The following MAML2 variants were observed in gnomAD, a reference collection of about 807,000 sequenced individuals.
MAML2 encodes mastermind-like protein 2.
A neutral mutation model predicts 96.1 loss-of-function variants in MAML2; 22 were observed. That is an observed-to-expected ratio of 0.23 (90% confidence interval 0.16 to 0.33). The LOEUF is 0.33. Among genes scored for constraint, MAML2 ranks in the 10% least tolerant of loss-of-function variants. MAML2 has a pLI of 1.00. For synonymous variants in MAML2, 561 were observed against 521.3 expected (o/e 1.08, Z -1.04); for missense variants, 1,367 against 1,392.4 (o/e 0.98, Z 0.29).
At chr11:96,126,712 C>T (rs1860444980) in intron 1 of MAML2, among the ~76,000 whole-genome samples, 1 of 152,152 alleles carries the variant, frequency 6.6e-6, no homozygotes, top group Non-Finnish European at 1.5e-5. Context: ...TTTGAAAGCA[C>T]AGAGGAGGAC....
chr11:96,161,005 G>T (rs1191578325), intron 1 of MAML2, among the ~76,000 whole-genome samples: 1 of 152,196 alleles, frequency 6.6e-6, no homozygotes, highest in African/African-American at 2.4e-5. Flanking sequence ...AACTGGAGAG[G>T]CACTGCACCT....
Position 96,064,018 on chromosome 11 carries a change from C to T in MAML2, c.2139+27874G>A, listed in dbSNP as rs569815745. On this transcript the variant is annotated intron_variant, in intron 2 of 4. Coordinates refer to ENST00000524717, the MANE Select transcript of MAML2 (RefSeq NM_032427.4). ...CAGGACATCTTTTACCTAAGATTTCCAAGCCTCCTGATTGGCTGGCTGTAG... is the reference window on the plus strand; with the variant it reads ...CAGGACATCTTTTACCTAAGATTTCTAAGCCTCCTGATTGGCTGGCTGTAG... 1.5e-4 allele frequency among the ~76,000 whole-genome samples: 23 copies of T among 152,276 alleles called. No individual in the cohort carries two copies. The South Asian group carries it at 4.8e-3, about 32-fold the overall frequency.
At chr11:96,319,579 A>G (rs1863675800) in intron 1 of MAML2, among the ~76,000 whole-genome samples, 1 of 152,194 alleles carries the variant, frequency 6.6e-6, no homozygotes, top group Admixed American at 6.5e-5. Context: ...TTGAAACACA[A>G]GATATATTTT....
rs537072178 is a variant in MAML2 at position 96,341,751 on chromosome 11, G to T, written c.145C>A (p.Gln49Lys). 3.1e-5 allele frequency: 50 copies of T among 1,613,074 alleles called. No individual in the cohort carries two copies. In the East Asian group the frequency reaches 1.0e-3, roughly 34 times the overall value. The change falls in exon 1 of 5, where the codon CAA becomes AAA. Residue 49 changes from glutamine to lysine, a missense_variant. Coordinates refer to ENST00000524717, the MANE Select transcript of MAML2 (RefSeq NM_032427.4). ...RLRARIAVCR[Q>K]HHLSCEGRYE... The stretch of plus-strand genomic sequence containing the variant: ...CGTCCTTCACAGCTCAGGTGGTGTT[G>T]GCGGCAGACAGCGATCCGAGCCCGG...
chr11:96,007,011 T>A (rs75309687), intron 2 of MAML2, among the ~76,000 whole-genome samples: 8,947 of 151,420 alleles, frequency 0.059, 375 homozygotes, highest in Middle Eastern at 0.089. Flanking sequence ...TCTTTTTTTT[T>A]ATTATTTTTT....
intron 2 of MAML2, among the ~76,000 whole-genome samples, chr11:96,046,352 G>GT (rs934962151): frequency 5.8e-4 from 87 of 149,162 alleles, no homozygotes; most frequent in African/African-American, 1.0e-3. Flanking sequence ...TTTGTTGTTG[G>GT]TTTTTTTTTT....
At chr11:96,193,674 C>CA (rs201176260) in intron 1 of MAML2, among the ~76,000 whole-genome samples, 1,771 of 150,514 alleles carry the variant, frequency 0.012, 31 homozygotes, top group African/African-American at 0.041. Flanking sequence ...TCCCGTGTAA[C>CA]AAAAAAAAAG....
At chr11:96,212,721 T>C (rs1309020694) in intron 1 of MAML2, among the ~76,000 whole-genome samples, 1 of 152,166 alleles carries the variant, frequency 6.6e-6, no homozygotes, top group Non-Finnish European at 1.5e-5. Context: ...ACAAGACGTT[T>C]AGATAACTCA....
intron 2 of MAML2, among the ~76,000 whole-genome samples, chr11:96,037,434 A>T (rs1052992951): frequency 3.9e-5 from 6 of 152,228 alleles, no homozygotes; most frequent in Non-Finnish European, 8.8e-5. Flanking sequence ...CACGGTTGTA[A>T]GACAGTTTCA....
At chr11:96,045,882 C>G (rs1253467394) in intron 2 of MAML2, among the ~76,000 whole-genome samples, 2 of 148,920 alleles carry the variant, frequency 1.3e-5, no homozygotes, top group African/African-American at 5.0e-5. Context: ...CTTTATTTTT[C>G]TCCCAGTCAG....
rs1864004370 is a variant in MAML2 at position 96,342,061 on chromosome 11, G to A, written c.-166C>T. On this transcript the variant is annotated 5_prime_UTR_variant, in exon 1 of 5. Transcript: ENST00000524717. ...GGAGCCGTGGAGAAGTTGTGGGGGA[G>A]GGGAGTTAGTAAAAAGAGGGTGGGG... The A allele has an allele frequency of 3.2e-6, 2 of 628,124 alleles. No homozygotes were observed. Among genetic ancestry groups the A allele is most frequent in the South Asian group, 4.6e-5 (2 of 43,744 alleles). 38.9% of individuals were successfully genotyped at this position (628,124 alleles called of 1,614,324 possible). A position where few individuals can be genotyped will look rare whatever the true frequency, so the allele number is the denominator to read the frequency against.
chr11:96,120,299 G>A (rs529714501), intron 1 of MAML2, among the ~76,000 whole-genome samples: 2 of 152,300 alleles, frequency 1.3e-5, no homozygotes, highest in South Asian at 4.1e-4. Flanking sequence ...CAACAGCTGA[G>A]TAGAGGCAGA....
intron 1 of MAML2, among the ~76,000 whole-genome samples, chr11:96,214,441 T>C (rs1034823560): frequency 4.6e-5 from 7 of 152,220 alleles, no homozygotes; most frequent in African/African-American, 9.6e-5. Flanking sequence ...CTTATAAAGA[T>C]TAAATGTGAT....
intron 1 of MAML2, among the ~76,000 whole-genome samples, chr11:96,145,103 T>A (rs1860795234): frequency 6.6e-6 from 1 of 152,150 alleles, no homozygotes; most frequent in Admixed American, 6.5e-5. Context: ...CAAAAACAAG[T>A]CTGTGGGTTG....
intron 1 of MAML2, among the ~76,000 whole-genome samples, chr11:96,319,464 A>G (rs569706987): frequency 1.4e-3 from 217 of 152,352 alleles, no homozygotes; most frequent in African/African-American, 4.5e-3. Flanking sequence ...TTGTCATGTT[A>G]TTAGCATGGC....
At chr11:96,089,041 G>A (rs897490022) in intron 2 of MAML2, among the ~76,000 whole-genome samples, 1 of 139,762 alleles carries the variant, frequency 7.2e-6, no homozygotes, top group Non-Finnish European at 1.5e-5. Context: ...TTGACACAAA[G>A]TGAGTATGAC....
chr11:96,271,726 T>TCTTTC (rs112358226), intron 1 of MAML2, among the ~76,000 whole-genome samples: 30,381 of 151,922 alleles, frequency 0.2, 3,333 homozygotes, highest in Admixed American at 0.27. Flanking sequence ...CAAATAAACC[T>TCTTTC]CTTTATAAAT....
chr11:96,294,638 C>T (rs1161583514), intron 1 of MAML2, among the ~76,000 whole-genome samples: 1 of 152,150 alleles, frequency 6.6e-6, no homozygotes, highest in Non-Finnish European at 1.5e-5. Context: ...ATTCTTACCC[C>T]TTATAATTCC....
At chr11:96,312,629 A>C (rs571609299) in intron 1 of MAML2, among the ~76,000 whole-genome samples, 2 of 152,262 alleles carry the variant, frequency 1.3e-5, no homozygotes, top group Non-Finnish European at 2.9e-5. Flanking sequence ...CAGAGCACAG[A>C]AAGTAATATT....
Sources: gnomAD v4.1 joint callset for allele counts (sites outside exome capture counted in the v4.1 genomes callset) on GRCh38, gnomAD v4.1.1 for gene constraint, MANE v1.5 for transcripts, NCBI Gene and HGNC (gene_info 2026-07-23, HGNC 2026-07-21) for gene names.